KLF17: variants seen among roughly 807,000 people sequenced by gnomAD.
KLF17 encodes Krueppel-like factor 17.
In KLF17, 31 loss-of-function variants were observed where a neutral mutation model predicts 34.2. The observed-to-expected ratio is 0.91, with a 90% CI of 0.68 to 1.22. The LOEUF (loss-of-function observed/expected upper bound fraction) is 1.22, where lower values mean the gene tolerates loss of function less well. KLF17 is among the 50% of genes most tolerant of loss of function. The pLI is 0.00. For missense variants in KLF17, 478 were observed against 505.2 expected, an observed-to-expected ratio of 0.95 and a Z score of 0.52; for synonymous variants, 179 against 186.7, an observed-to-expected ratio of 0.96 and a Z score of 0.34.
chr1:44,088,105 ATTTT>A, the KLF17 span: 67 of 143,900 alleles, frequency 4.7e-4, no homozygotes, highest in South Asian at 1.7e-3. Flanking sequence ...AAGCACTCTT[ATTTT>A]TATTTATTTA....
the KLF17 span, among the ~76,000 whole-genome samples, chr1:44,080,713 ATTTTTT>A: frequency 8.6e-5 from 8 of 92,674 alleles, no homozygotes; most frequent in African/African-American, 2.4e-4. Context: ...ATTATATTGA[ATTTTTT>A]TTTTTTTTTT....
chr1:44,059,387 T>G, the KLF17 span, among the ~76,000 whole-genome samples: 2 of 152,212 alleles, frequency 1.3e-5, no homozygotes, highest in Non-Finnish European at 2.9e-5. Context: ...TCCTGTTTGA[T>G]TTCCTCATTA....
At chr1:44,123,570 T>C (rs1432620163) in intron 1 of KLF17, among the ~76,000 whole-genome samples, 1 of 152,182 alleles carries the variant, frequency 6.6e-6, no homozygotes, top group Non-Finnish European at 1.5e-5. Context: ...TAAGAACTTT[T>C]AGTTTCATTG....
chr1:44,130,801 C>T (rs751572757), intron 3 of KLF17, 45 bp downstream of exon 3: 5 of 1,600,370 alleles, frequency 3.1e-6, no homozygotes, highest in Non-Finnish European at 3.4e-6. Context: ...TCCTTTTTTC[C>T]TTTTTATTTT....
chr1:44,128,339 C>A (rs557234482), intron 1 of KLF17, among the ~76,000 whole-genome samples: 1 of 152,146 alleles, frequency 6.6e-6, no homozygotes, highest in Non-Finnish European at 1.5e-5. Flanking sequence ...TGAGCCGCTG[C>A]GCCTGGACTA....
the KLF17 span, among the ~76,000 whole-genome samples, chr1:44,111,468 T>G: frequency 6.6e-6 from 1 of 150,862 alleles, no homozygotes; most frequent in East Asian, 1.9e-4. Context: ...AACTTGTTTT[T>G]TTTTTTTTTT....
At chr1:44,053,630 T>G in the KLF17 span, among the ~76,000 whole-genome samples, 1 of 152,204 alleles carries the variant, frequency 6.6e-6, no homozygotes, top group Non-Finnish European at 1.5e-5. Context: ...TAGACCTGTG[T>G]CCATTGTGAG....
intron 1 of KLF17, among the ~76,000 whole-genome samples, chr1:44,126,029 G>A (rs1432450463): frequency 6.7e-6 from 1 of 149,256 alleles, no homozygotes; most frequent in Non-Finnish European, 1.5e-5. Context: ...GTTTTGTTTT[G>A]TTTTGTTTTT....
At chr1:44,054,701 TC>T in the KLF17 span, among the ~76,000 whole-genome samples, 1 of 151,248 alleles carries the variant, frequency 6.6e-6, no homozygotes, top group South Asian at 2.1e-4. Flanking sequence ...CAGGATGGTC[TC>T]AGTCTCCTGA....
chr1:44,080,529 C>T, the KLF17 span, among the ~76,000 whole-genome samples: 3 of 152,176 alleles, frequency 2.0e-5, no homozygotes, highest in Admixed American at 6.5e-5. Context: ...TGAGCCACAG[C>T]ACCAGGCTCT....
rs1056869499 is a variant in KLF17, at chr1:44,134,289, T to A, written c.*1052T>A. 6.6e-6 allele frequency: 1 copy of A among 152,182 alleles called. No individual in the cohort carries two copies. The highest frequency in any genetic ancestry group is 2.4e-5 in the African/African-American group (1 of 41,426). The allele number at this position is 152,182 out of a possible 1,614,324, so 9.4% of individuals were successfully genotyped here. On this transcript the variant is annotated 3_prime_UTR_variant, in exon 4 of 4. Transcript: ENST00000372299. Reference sequence around the variant, plus strand: ...CTCACGCCTGTAATCCCAGCACTTTTGGAGGCCGAGGCAGGCGGATCATTT... The same window carrying A: ...CTCACGCCTGTAATCCCAGCACTTTAGGAGGCCGAGGCAGGCGGATCATTT...
intron 3 of KLF17, among the ~76,000 whole-genome samples, chr1:44,133,026 G>A (rs534509827): frequency 5.3e-5 from 8 of 152,284 alleles, no homozygotes; most frequent in African/African-American, 1.9e-4. Context: ...AACGAGGCTG[G>A]TGCCAAGCAC....
the KLF17 span, among the ~76,000 whole-genome samples, chr1:44,077,099 C>T: frequency 6.6e-6 from 1 of 151,170 alleles, no homozygotes; most frequent in Non-Finnish European, 1.5e-5. Flanking sequence ...AATCCCAGCA[C>T]TTTGGAAGGC....
chr1:44,066,370 G>A, the KLF17 span, among the ~76,000 whole-genome samples: 2,507 of 150,810 alleles, frequency 0.017, 29 homozygotes, highest in Middle Eastern at 0.051. Flanking sequence ...AAAAAATTAA[G>A]GGGTATGATA....
At chr1:44,127,718 T>TTTCTTTTTCTTTC (rs1557732130) in intron 1 of KLF17, among the ~76,000 whole-genome samples, 1 of 108,566 alleles carries the variant, frequency 9.2e-6, no homozygotes, top group Admixed American at 9.0e-5. Context: ...CTTTCTTCTC[T>TTTCTTTTTCTTTC]TTTCTTTCTT....
chr1:44,086,390 C>A, the KLF17 span, among the ~76,000 whole-genome samples: 1 of 152,164 alleles, frequency 6.6e-6, no homozygotes, highest in Non-Finnish European at 1.5e-5. Context: ...CACTTGAATT[C>A]GGGAAGTAGA....
chr1:44,092,005 C>T, the KLF17 span, among the ~76,000 whole-genome samples: 4 of 146,786 alleles, frequency 2.7e-5, no homozygotes, highest in East Asian at 8.0e-4. Flanking sequence ...CACTTCCCTC[C>T]CCCAAATTTA....
chr1:44,130,105 A>G lies in KLF17; in HGVS notation c.834A>G (p.Ser278=), dbSNP rs780418338. 1 of 1,614,226 alleles carries G rather than the reference A, an allele frequency of 6.2e-7. No homozygotes were observed. Among genetic ancestry groups the G allele is most frequent in the Non-Finnish European group, 8.5e-7 (1 of 1,180,030 alleles). ...AAGGGACTGGTAGAAGGGGCTCCTCAGAGGCAAGGCCTTACTGCTGCAACT... is the reference window on the plus strand; with the variant it reads ...AAGGGACTGGTAGAAGGGGCTCCTCGGAGGCAAGGCCTTACTGCTGCAACT... ...PQEGTGRRGS[S]EARPYCCNYE... Residue 278 remains serine (S), a synonymous_variant, in exon 2 of 4, where the codon TCA becomes TCG. Transcript: ENST00000372299.
At chr1:44,096,416 T>TTTTTTG in the KLF17 span, among the ~76,000 whole-genome samples, 1 of 150,702 alleles carries the variant, frequency 6.6e-6, no homozygotes, top group African/African-American at 2.4e-5. Context: ...TTTTTTTTTT[T>TTTTTTG]GAGAGGGAGT....
Sources: gnomAD v4.1 joint callset for allele counts (sites outside exome capture counted in the v4.1 genomes callset) on GRCh38, gnomAD v4.1.1 for gene constraint, MANE v1.5 for transcripts, NCBI Gene and HGNC (gene_info 2026-07-23, HGNC 2026-07-21) for gene names.